Variants in USP26 observed in about 807,000 individuals in gnomAD.
USP26 encodes the protein ubiquitin carboxyl-terminal hydrolase 26.
For synonymous variants in USP26, 236 were observed against 240.6 expected, an observed-to-expected ratio of 0.98 and a Z score of 0.18; for missense variants, 649 against 642.3, an observed-to-expected ratio of 1.01 and a Z score of -0.11.
intron 4 of USP26, among the ~76,000 whole-genome samples, chrX:133,084,641 A>T (rs2067582740): frequency 9.3e-6 from 1 of 107,969 alleles, no homozygotes; most frequent in African/African-American, 3.4e-5. Context: ...AGCCTCCCAA[A>T]GTGCTAGGAT....
chrX:133,087,744 A>G (rs1274884014), intron 4 of USP26, among the ~76,000 whole-genome samples: 1 of 112,336 alleles, frequency 8.9e-6, no homozygotes, highest in Non-Finnish European at 1.9e-5. Flanking sequence ...TTTTCTCCAT[A>G]AAAGATCTAT....
chrX:133,069,182 C>T (rs977736917), intron 5 of USP26, among the ~76,000 whole-genome samples: 2 of 111,679 alleles, frequency 1.8e-5, no homozygotes, highest in Non-Finnish European at 3.8e-5. Context: ...AAGGCAATTA[C>T]GTGATATTTT....
At chrX:133,065,646 G>A (rs2067508874) in intron 5 of USP26, among the ~76,000 whole-genome samples, 1 of 112,005 alleles carries the variant, frequency 8.9e-6, no homozygotes, top group African/African-American at 3.2e-5. Context: ...CTCAATGGAT[G>A]CAGAAAAGGC....
chrX:133,095,710 C>T (rs779943840), intron 1 of USP26, among the ~76,000 whole-genome samples: 2 of 111,724 alleles, frequency 1.8e-5, no homozygotes, highest in South Asian at 7.6e-4. Flanking sequence ...AAGAGGTCCT[C>T]ATACGTGGCC....
In USP26 at chrX:133,025,310, G is replaced by T; in HGVS notation, c.*169C>A. The T allele has an allele frequency of 1.4e-6, 1 of 721,077 alleles. No homozygotes were observed. The highest frequency in any genetic ancestry group is 2.0e-6 in the Non-Finnish European group (1 of 497,711). 59.4% of individuals were successfully genotyped at this position (721,077 alleles called of 1,213,427 possible). On this transcript the variant is annotated 3_prime_UTR_variant, in exon 6 of 6. Coordinates refer to ENST00000511190, the MANE Select transcript of USP26 (RefSeq NM_031907.3). Reference sequence around the variant, plus strand: ...CCAGAGCTATGGGATTGAGGTGTCTGTGTCAGGATTAGAATGCAGATCTCC... The same window carrying T: ...CCAGAGCTATGGGATTGAGGTGTCTTTGTCAGGATTAGAATGCAGATCTCC...
rs887422621 is a variant in USP26 at position 133,026,129 on chromosome X, G to C, written c.2092C>G (p.Arg698Gly). 5.8e-6 allele frequency: 7 copies of C among 1,210,562 alleles called. No homozygotes were observed. Among genetic ancestry groups the C allele is most frequent in the Middle Eastern group, 2.3e-4 (1 of 4,349 alleles). ...DFQTVPENPKRKKYVKTSKFV... is the reference protein window; with the variant it reads ...DFQTVPENPKGKKYVKTSKFV... ...TTACTGGTTTTCACATATTTCTTTC[G>C]TTTTGGATTTTCGGGCACTGTTTGA... Residue 698 changes from arginine to glycine, a missense_variant, in exon 6 of 6, where the codon CGA (arginine) becomes GGA (glycine). Arg to Gly is a moderately radical substitution (Grantham distance 125). Coordinates refer to ENST00000511190, the MANE Select transcript of USP26 (RefSeq NM_031907.3).
At chrX:133,050,607 T>A (rs28429429) in intron 5 of USP26, among the ~76,000 whole-genome samples, 2,684 of 111,289 alleles carry the variant, frequency 0.024, 59 homozygotes, top group African/African-American at 0.072. Flanking sequence ...AATTTTTTTT[T>A]AAAAAAAGAA....
At chrX:133,045,399 T>G (rs1041175515) in intron 5 of USP26, among the ~76,000 whole-genome samples, 4 of 111,721 alleles carry the variant, frequency 3.6e-5, no homozygotes, top group African/African-American at 9.8e-5. Flanking sequence ...TGGGGCCAGA[T>G]AAGAGAATAA....
chrX:133,028,330 G>T, intron 5 of USP26, 34 bp from the exon 6 acceptor site: 1 of 876,485 alleles, frequency 1.1e-6, no homozygotes. Flanking sequence ...TAGTTCATTA[G>T]TTCTCTACAC....
chrX:133,063,003 G>A (rs1273239753), intron 5 of USP26, among the ~76,000 whole-genome samples: 1 of 111,216 alleles, frequency 9.0e-6, no homozygotes. Flanking sequence ...GGAACTGCTA[G>A]CTAGAATAAT....
chrX:133,079,917 A>G (rs968272434), intron 5 of USP26, among the ~76,000 whole-genome samples: 3 of 112,082 alleles, frequency 2.7e-5, no homozygotes, highest in African/African-American at 9.7e-5. Flanking sequence ...AAGACTTACT[A>G]GATGATTTTC....
At position 133,025,924 on chromosome X, in the gene USP26, T is replaced by C. The variant is rs2067345040; in HGVS notation, c.2297A>G (p.Gln766Arg). The part of the protein sequence containing the change: ...LPQSFPKPGT[Q>R]GHTKNLLRPT... Reference sequence around the variant, plus strand: ...TCTTAGGAGGTTCTTTGTGTGCCCCTGGGTGCCTGGCTTTGGAAAGCTTTG... The same window carrying C: ...TCTTAGGAGGTTCTTTGTGTGCCCCCGGGTGCCTGGCTTTGGAAAGCTTTG... Residue 766 changes from glutamine (Q) to arginine (R), a missense_variant, in exon 6 of 6, where the codon CAG becomes CGG. Physicochemically the swap from Gln to Arg is conservative, Grantham distance 43. Transcript: ENST00000511190. The C allele has an allele frequency of 8.3e-7, 1 of 1,211,492 alleles. No homozygotes were observed. Among genetic ancestry groups the C allele is most frequent in the Non-Finnish European group, 1.1e-6 (1 of 895,491 alleles).
intron 5 of USP26, among the ~76,000 whole-genome samples, chrX:133,079,267 C>T (rs1285026835): frequency 5.4e-5 from 6 of 111,962 alleles, no homozygotes; most frequent in Non-Finnish European, 1.1e-4. Context: ...GCCTTAGCAA[C>T]AGATTATTCC....
intron 5 of USP26, among the ~76,000 whole-genome samples, chrX:133,067,473 C>T (rs777747081): frequency 4.4e-5 from 5 of 112,601 alleles, no homozygotes; most frequent in South Asian, 3.7e-4. Flanking sequence ...TTGGAACCAA[C>T]CCAAATGCCC....
At chrX:133,062,674 T>C (rs2148532843) in intron 5 of USP26, among the ~76,000 whole-genome samples, 1 of 110,316 alleles carries the variant, frequency 9.1e-6, no homozygotes, top group East Asian at 2.9e-4. Context: ...AGGGGCCTGT[T>C]AGAGGAAAAA....
At chrX:133,037,109 T>A (rs972513316) in intron 5 of USP26, among the ~76,000 whole-genome samples, 1 of 112,258 alleles carries the variant, frequency 8.9e-6, no homozygotes. Flanking sequence ...AAAAAATTTC[T>A]CCCATTTGGT....
At chrX:133,050,798 C>A (rs1206986670) in intron 5 of USP26, among the ~76,000 whole-genome samples, 1 of 111,583 alleles carries the variant, frequency 9.0e-6, no homozygotes, top group Non-Finnish European at 1.9e-5. Context: ...CAGCACTGTG[C>A]AACAGAACAC....
intron 5 of USP26, among the ~76,000 whole-genome samples, chrX:133,041,634 C>A (rs1046217336): frequency 8.9e-6 from 1 of 112,263 alleles, no homozygotes; most frequent in Non-Finnish European, 1.9e-5. Flanking sequence ...TCTGTCAACC[C>A]CTGTTGGGAA....
rs982741199 is a variant in USP26, at chrX:133,024,373, T to C, written c.*1106A>G. Among the ~76,000 whole-genome samples, 18 of 111,604 alleles carry C rather than the reference T, an allele frequency of 1.6e-4. No homozygotes were observed. The highest frequency in any genetic ancestry group is 4.9e-4 in the African/African-American group (15 of 30,718). On this transcript the variant is annotated 3_prime_UTR_variant, in exon 6 of 6. Coordinates refer to ENST00000511190, the MANE Select transcript of USP26 (RefSeq NM_031907.3). Reference sequence around the variant, plus strand: ...ATGAAGTCCAGGTAAACAAAGTTCCTCTGAGGCAATGAAAGTGCCCCTCTA... The same window carrying C: ...ATGAAGTCCAGGTAAACAAAGTTCCCCTGAGGCAATGAAAGTGCCCCTCTA...
Sources: gnomAD v4.1 joint callset for allele counts (sites outside exome capture counted in the v4.1 genomes callset) on GRCh38, gnomAD v4.1.1 for gene constraint, MANE v1.5 for transcripts, NCBI Gene and HGNC (gene_info 2026-07-23, HGNC 2026-07-21) for gene names.